CDH4: variants seen among roughly 807,000 people sequenced by gnomAD.
CDH4 encodes cadherin-4.
CDH4 carries 33 observed loss-of-function variants against 86.0 expected under a neutral mutation model. The ratio of observed to expected loss-of-function variants is 0.38; its 90% CI spans 0.29 to 0.51. The LOEUF is 0.51. Among genes scored for constraint, CDH4 ranks in the 20% least tolerant of loss-of-function variants. The probability of loss-of-function intolerance (pLI) is 0.86; values close to 1 mark genes in which losing one functional copy is unlikely to be tolerated. For synonymous variants in CDH4, 555 were observed against 549.4 expected, an observed-to-expected ratio of 1.01 and a Z score of -0.14; for missense variants, 1,114 against 1,307.4, an observed-to-expected ratio of 0.85 and a Z score of 2.28.
At chr20:61,752,192 C>T (rs1410997586) in intron 3 of CDH4, among the ~76,000 whole-genome samples, 1 of 152,020 alleles carries the variant, frequency 6.6e-6, no homozygotes, top group Non-Finnish European at 1.5e-5. Context: ...ATTAGCTAGG[C>T]ATGGTGGTGC....
At chr20:61,255,093 C>T (rs1242985668) in intron 2 of CDH4, among the ~76,000 whole-genome samples, 156 bp downstream of exon 2, 1 of 152,126 alleles carries the variant, frequency 6.6e-6, no homozygotes, top group Non-Finnish European at 1.5e-5. Flanking sequence ...ACCTGAAAGG[C>T]GTTTTGCATA....
intron 2 of CDH4, among the ~76,000 whole-genome samples, chr20:61,278,353 C>G (rs1482928945): frequency 1.3e-5 from 2 of 152,258 alleles, no homozygotes; most frequent in African/African-American, 2.4e-5. Flanking sequence ...TCTCCTTTCA[C>G]TGCTTTGATG....
At chr20:61,731,456 C>T (rs565547923) in intron 2 of CDH4, among the ~76,000 whole-genome samples, 2 of 152,254 alleles carry the variant, frequency 1.3e-5, no homozygotes, top group East Asian at 1.9e-4. Context: ...AAGTGCACGC[C>T]GTCCCATCAC....
intron 15 of CDH4, among the ~76,000 whole-genome samples, chr20:61,936,034 G>T (rs368457462): frequency 5.9e-4 from 89 of 152,112 alleles, no homozygotes; most frequent in African/African-American, 2.1e-3. Context: ...CATGGAGGTG[G>T]CACCCGCGGG....
chr20:61,284,357 A>G lies in CDH4; in HGVS notation c.169+29420A>G, dbSNP rs148738919. Among the ~76,000 whole-genome samples the G allele has an allele frequency of 1.1e-3, 172 of 152,048 alleles. 1 individual carries two copies. Among genetic ancestry groups the G allele is most frequent in the African/African-American group, 3.9e-3 (162 of 41,482 alleles). On this transcript the variant is annotated intron_variant, in intron 2 of 15. Coordinates refer to ENST00000614565, the MANE Select transcript of CDH4 (RefSeq NM_001794.5). ...GCTTTCCTCCTTTCTTTTTTTGTGC[A>G]TCACGTTTGTGTTTGCGTTTTCTAC...
In CDH4 at chr20:61,518,855, C is replaced by T. The variant is rs768763560; in HGVS notation, c.170-224708C>T. Among the ~76,000 whole-genome samples, 1 of 151,850 alleles carries T rather than the reference C, an allele frequency of 6.6e-6. No homozygotes were observed. The highest frequency in any genetic ancestry group is 1.5e-5 in the Non-Finnish European group (1 of 67,970). On this transcript the variant is annotated intron_variant, in intron 2 of 15. Transcript: ENST00000614565. The surrounding 1 kb of genome is among the most constrained non-coding windows in gnomAD (Gnocchi z 6.3). ...CATTCATCCATTCATCCACCCATCA[C>T]CCATTCATCCATCATTCATTCATCA...
intron 2 of CDH4, among the ~76,000 whole-genome samples, chr20:61,635,849 G>T (rs1412131618): frequency 6.6e-6 from 1 of 152,212 alleles, no homozygotes; most frequent in East Asian, 1.9e-4. Flanking sequence ...GCCCATAGTT[G>T]GTCCTGCTAG....
chr20:61,869,907 T>A (rs865776617), intron 6 of CDH4, among the ~76,000 whole-genome samples: 61 of 152,294 alleles, frequency 4.0e-4, no homozygotes, highest in African/African-American at 1.3e-3. Context: ...TGGGCCCCAG[T>A]GGGCAGGGAG....
At chr20:61,333,470 C>G (rs1479074599) in intron 2 of CDH4, among the ~76,000 whole-genome samples, 1 of 152,168 alleles carries the variant, frequency 6.6e-6, no homozygotes, top group African/African-American at 2.4e-5. Context: ...ACCAGATAAT[C>G]CAGCCAAGGG....
chr20:61,834,609 C>T (rs1981782000), intron 4 of CDH4, among the ~76,000 whole-genome samples: 2 of 152,250 alleles, frequency 1.3e-5, no homozygotes, highest in African/African-American at 2.4e-5. Flanking sequence ...AGACTCCTGA[C>T]TTCTCATGTT....
intron 2 of CDH4, among the ~76,000 whole-genome samples, chr20:61,524,541 G>A (rs554962192): frequency 6.6e-6 from 1 of 151,228 alleles, no homozygotes; most frequent in East Asian, 2.0e-4. Flanking sequence ...CTGGAGTGCA[G>A]TGCTGCAATC....
intron 2 of CDH4, among the ~76,000 whole-genome samples, chr20:61,359,469 G>T (rs1224529419): frequency 6.6e-6 from 1 of 152,204 alleles, no homozygotes; most frequent in Non-Finnish European, 1.5e-5. Flanking sequence ...CAGGCCGCCT[G>T]GACAGGAGGA....
At chr20:61,539,771 GC>G (rs1405562673) in intron 2 of CDH4, among the ~76,000 whole-genome samples, 1 of 152,250 alleles carries the variant, frequency 6.6e-6, no homozygotes, top group East Asian at 1.9e-4. Context: ...ACGAGAGGGA[GC>G]AGAGCAGGGA....
At chr20:61,343,283 A>G (rs541248732) in intron 2 of CDH4, among the ~76,000 whole-genome samples, 1 of 152,234 alleles carries the variant, frequency 6.6e-6, no homozygotes, top group Non-Finnish European at 1.5e-5. Flanking sequence ...ATAAGACTCA[A>G]AATGATTGTG....
At chr20:61,291,821 T>C (rs777778964) in intron 2 of CDH4, among the ~76,000 whole-genome samples, 18 of 152,196 alleles carry the variant, frequency 1.2e-4, no homozygotes, top group African/African-American at 4.1e-4. Flanking sequence ...CAAGGGCTTA[T>C]TATACATATC....
rs566653994 is a variant in CDH4, at chr20:61,742,663, C to T, written c.170-900C>T. 9.9e-5 allele frequency among the ~76,000 whole-genome samples: 15 copies of T among 152,256 alleles called. No individual in the cohort carries two copies. In the East Asian group the frequency reaches 1.7e-3, roughly 18 times the overall value. Reference sequence around the variant, plus strand: ...CAGAATGTGACACGGGCTGTGGGTGCGTCGTAATTTACCACGGCTGTAGGT... The same window carrying T: ...CAGAATGTGACACGGGCTGTGGGTGTGTCGTAATTTACCACGGCTGTAGGT... On this transcript the variant is annotated intron_variant, in intron 2 of 15. Coordinates refer to ENST00000614565, the MANE Select transcript of CDH4 (RefSeq NM_001794.5).
intron 2 of CDH4, among the ~76,000 whole-genome samples, chr20:61,411,196 A>G (rs1292706412): frequency 6.6e-6 from 1 of 151,744 alleles, no homozygotes; most frequent in Non-Finnish European, 1.5e-5. Context: ...CAACAAGGCT[A>G]ATGAGGTGCC....
intron 2 of CDH4, among the ~76,000 whole-genome samples, chr20:61,598,063 G>C (rs778406333): frequency 6.6e-6 from 1 of 152,140 alleles, no homozygotes; most frequent in Non-Finnish European, 1.5e-5. Flanking sequence ...TCCCACCTCC[G>C]TCTCAGTGAA....
intron 9 of CDH4, among the ~76,000 whole-genome samples, chr20:61,921,327 T>C (rs1051151557): frequency 5.3e-5 from 8 of 152,292 alleles, no homozygotes; most frequent in Non-Finnish European, 8.8e-5. Context: ...GGAAGCATGG[T>C]GTTGTGTAAA....
Sources: gnomAD v4.1 joint callset for allele counts (sites outside exome capture counted in the v4.1 genomes callset) on GRCh38, gnomAD v4.1.1 for gene constraint, Gnocchi (gnomAD v3.1) non-coding constraint, MANE v1.5 for transcripts, NCBI Gene and HGNC (gene_info 2026-07-23, HGNC 2026-07-21) for gene names.